The following SAMD12 variants were observed in gnomAD, a reference collection of about 807,000 sequenced individuals.
SAMD12 encodes sterile alpha motif domain containing 12, also known as sterile alpha motif domain-containing protein 12.
SAMD12 carries 9 observed loss-of-function variants against 15.0 expected under a neutral mutation model. That is an observed-to-expected ratio of 0.60 (90% CI 0.36 to 1.05). The LOEUF is 1.05. SAMD12 is among the 50% of genes least tolerant of loss of function. The probability of loss-of-function intolerance (pLI) is 0.01; values close to 1 mark genes in which losing one functional copy is unlikely to be tolerated. For synonymous variants in SAMD12, 86 were observed against 90.1 expected (o/e 0.96, Z 0.25); for missense variants, 230 against 234.2 (o/e 0.98, Z 0.12).
the SAMD12 span, among the ~76,000 whole-genome samples, chr8:118,154,159 C>CACAT: frequency 6.7e-6 from 1 of 150,146 alleles, no homozygotes; most frequent in African/African-American, 2.4e-5. Context: ...CACACACACA[C>CACAT]ACATACACAC....
intron 1 of SAMD12, among the ~76,000 whole-genome samples, chr8:118,595,064 T>C (rs534662983): frequency 6.6e-6 from 1 of 152,242 alleles, no homozygotes; most frequent in African/African-American, 2.4e-5. Flanking sequence ...AGAAGATACA[T>C]AATGACTGCT....
chr8:118,352,609 T>C (rs1210049546), intron 4 of SAMD12, among the ~76,000 whole-genome samples: 1 of 152,078 alleles, frequency 6.6e-6, no homozygotes, highest in Non-Finnish European at 1.5e-5. Flanking sequence ...TAACAGACAA[T>C]GGGGAAAAGT....
intron 2 of SAMD12, among the ~76,000 whole-genome samples, chr8:118,474,796 C>G (rs78963511): frequency 0.012 from 1,849 of 152,260 alleles, 17 homozygotes; most frequent in Non-Finnish European, 0.02. Context: ...CTCTAAACCT[C>G]TTGCTAAAAT....
intron 4 of SAMD12, among the ~76,000 whole-genome samples, chr8:118,226,710 G>C (rs887409800): frequency 6.6e-6 from 1 of 152,172 alleles, no homozygotes; most frequent in African/African-American, 2.4e-5. Flanking sequence ...AAAATAATTA[G>C]AATCCAGTAA....
At chr8:118,339,556 G>A (rs1817247729) in intron 4 of SAMD12, among the ~76,000 whole-genome samples, 1 of 152,204 alleles carries the variant, frequency 6.6e-6, no homozygotes, top group African/African-American at 2.4e-5. Flanking sequence ...GGCTGCCGCC[G>A]CAGCTCTGAG....
intron 4 of SAMD12, among the ~76,000 whole-genome samples, chr8:118,259,064 G>C (rs1156983423): frequency 1.3e-5 from 2 of 152,094 alleles, no homozygotes; most frequent in Non-Finnish European, 2.9e-5. Flanking sequence ...GGAAATGACA[G>C]CTATCAGCCA....
chr8:118,298,451 T>C (rs184022837), intron 4 of SAMD12, among the ~76,000 whole-genome samples: 192 of 152,362 alleles, frequency 1.3e-3, no homozygotes, highest in African/African-American at 4.3e-3. Flanking sequence ...TGAAAGAGAC[T>C]GGCTAGATAA....
At chr8:118,276,647 G>A (rs1813481057) in intron 4 of SAMD12, among the ~76,000 whole-genome samples, 1 of 152,024 alleles carries the variant, frequency 6.6e-6, no homozygotes, top group African/African-American at 2.4e-5. Context: ...TTTTTGTTTT[G>A]TAGTATTTGT....
At chr8:118,611,909 C>G (rs1421193033) in intron 1 of SAMD12, among the ~76,000 whole-genome samples, 2 of 152,182 alleles carry the variant, frequency 1.3e-5, no homozygotes, top group African/African-American at 2.4e-5. Flanking sequence ...AGGCCCCAAA[C>G]CCAATATGTG....
chr8:118,524,488 G>A (rs911742282), intron 2 of SAMD12, among the ~76,000 whole-genome samples: 2 of 151,984 alleles, frequency 1.3e-5, no homozygotes, highest in African/African-American at 4.8e-5. Flanking sequence ...CTGCAGCTCT[G>A]CTCTTCCCTC....
At chr8:118,348,172 T>C (rs1817763418) in intron 4 of SAMD12, among the ~76,000 whole-genome samples, 1 of 151,946 alleles carries the variant, frequency 6.6e-6, no homozygotes, top group Non-Finnish European at 1.5e-5. Flanking sequence ...TGCCTCCCAA[T>C]ATCAAGTGAT....
chr8:118,346,007 C>T (rs1817627411), intron 4 of SAMD12, among the ~76,000 whole-genome samples: 1 of 152,196 alleles, frequency 6.6e-6, no homozygotes, highest in Admixed American at 6.5e-5. Context: ...TCCTGCACCG[C>T]AGCAGCCTAC....
downstream of SAMD12, chr8:118,189,314 A>T (rs1819297313): frequency 6.6e-6 from 1 of 152,192 alleles, no homozygotes; most frequent in Non-Finnish European, 1.5e-5. Context: ...TTCCACCATG[A>T]ATTGCATCAT....
intron 1 of SAMD12, among the ~76,000 whole-genome samples, chr8:118,606,385 G>C (rs1307329092): frequency 1.3e-5 from 2 of 152,072 alleles, no homozygotes; most frequent in Non-Finnish European, 2.9e-5. Flanking sequence ...TCACATCCTT[G>C]TTTGTGAAAG....
At chr8:118,211,795 G>C (rs1450813207) in intron 4 of SAMD12, among the ~76,000 whole-genome samples, 1 of 152,112 alleles carries the variant, frequency 6.6e-6, no homozygotes, top group Non-Finnish European at 1.5e-5. Flanking sequence ...TTGGTTTCGG[G>C]GGACTACAAC....
chr8:118,565,764 C>G (rs1033712337), intron 2 of SAMD12, among the ~76,000 whole-genome samples: 1 of 152,164 alleles, frequency 6.6e-6, no homozygotes, highest in African/African-American at 2.4e-5. Context: ...ACCAGTTTTC[C>G]CTATTTCACT....
rs138066033 is a variant in SAMD12, at chr8:118,515,000, T to TTTTG, written c.192+65711_192+65714dup. Among the ~76,000 whole-genome samples, 605 of 149,406 alleles carry TTTTG rather than the reference T, an allele frequency of 4.0e-3. 4 individuals carry two copies. The highest frequency in any genetic ancestry group is 0.013 in the East Asian group (65 of 5,044). On this transcript the variant is annotated intron_variant, in intron 2 of 3. Transcript: ENST00000314727. ...TTCTCATGATCTGGCTGTTTAAAAG[T>TTTTG]TTTGTTTGTTTGTTTGTTTGTTTGT...
At chr8:118,518,674 A>T (rs1825312110) in intron 2 of SAMD12, among the ~76,000 whole-genome samples, 1 of 152,150 alleles carries the variant, frequency 6.6e-6, no homozygotes, top group Non-Finnish European at 1.5e-5. Context: ...TGACTGCATA[A>T]TACACACCTC....
At chr8:118,555,629 A>C (rs1235186290) in intron 2 of SAMD12, among the ~76,000 whole-genome samples, 2 of 152,250 alleles carry the variant, frequency 1.3e-5, no homozygotes, top group African/African-American at 4.8e-5. Context: ...AAAAATATTC[A>C]TATCATAAAA....
Sources: allele counts gnomAD v4.1 joint callset (sites outside exome capture counted in the v4.1 genomes callset), GRCh38; gene constraint gnomAD v4.1.1; transcripts MANE v1.5; gene names NCBI Gene and HGNC (gene_info 2026-07-23, HGNC 2026-07-21).